The following ATP6V1H variants were observed in gnomAD, a reference collection of about 807,000 sequenced individuals.
The protein encoded by ATP6V1H is V-type proton ATPase subunit H.
In ATP6V1H, 39 loss-of-function variants were observed where a neutral mutation model predicts 71.7. The observed-to-expected ratio is 0.54, with a 90% CI of 0.42 to 0.71. The LOEUF is 0.71. Among genes scored for constraint, ATP6V1H ranks in the 30% least tolerant of loss-of-function variants. ATP6V1H has a pLI of 0.00. For missense variants in ATP6V1H, 509 were observed against 594.9 expected (o/e 0.86, Z 1.50); for synonymous variants, 192 against 199.3 (o/e 0.96, Z 0.31).
In ATP6V1H at chr8:53,775,366, G is replaced by A. The variant is rs565547023; in HGVS notation, c.871-3199C>T. On this transcript the variant is annotated intron_variant, in intron 9 of 13. Transcript: ENST00000359530. ...CCACAGTGTGGAAGGGGACCGGAGCGGGTTGCCAATGCTGGCTCGGGCAGC... is the reference window on the plus strand; with the variant it reads ...CCACAGTGTGGAAGGGGACCGGAGCAGGTTGCCAATGCTGGCTCGGGCAGC... Among the ~76,000 whole-genome samples the A allele has an allele frequency of 2.3e-3, 346 of 152,320 alleles. 2 individuals carry two copies. The highest frequency in any genetic ancestry group is 8.0e-3 in the African/African-American group (331 of 41,566).
In ATP6V1H at chr8:53,801,676, T is replaced by A; in HGVS notation, c.677+123A>T. The A allele has an allele frequency of 3.8e-6, 3 of 785,672 alleles. No individual in the cohort carries two copies. The African/African-American group carries it at 5.3e-5, about 14-fold the overall frequency. The allele number at this position is 785,672 out of a possible 1,614,324, so 48.7% of individuals were successfully genotyped here. A position where few individuals can be genotyped will look rare whatever the true frequency, so the allele number is the denominator to read the frequency against. On this transcript the variant is annotated intron_variant, in intron 8 of 13. Transcript: ENST00000359530. The stretch of plus-strand genomic sequence containing the variant: ...CTAACTTCTAAAAAGCTTAGCATAG[T>A]CAATTGTTAAACAGATATGAAAAAA...
intron 5 of ATP6V1H, among the ~76,000 whole-genome samples, chr8:53,816,160 T>C (rs566625068): frequency 6.6e-6 from 1 of 152,324 alleles, no homozygotes; most frequent in East Asian, 1.9e-4. Flanking sequence ...TTTCATAATG[T>C]CCACAACATA....
intron 13 of ATP6V1H, among the ~76,000 whole-genome samples, chr8:53,739,260 G>A (rs1219784899): frequency 6.6e-6 from 1 of 152,070 alleles, no homozygotes; most frequent in Non-Finnish European, 1.5e-5. Context: ...CTAAAAATTA[G>A]CTAAAACACA....
chr8:53,738,600 A>T (rs574433262), intron 13 of ATP6V1H, among the ~76,000 whole-genome samples: 2 of 152,312 alleles, frequency 1.3e-5, no homozygotes, highest in South Asian at 4.1e-4. Context: ...ATGTGCACCT[A>T]TGTGTGAAAC....
At chr8:53,770,420 C>T (rs1808613047) in intron 10 of ATP6V1H, among the ~76,000 whole-genome samples, 1 of 151,412 alleles carries the variant, frequency 6.6e-6, no homozygotes, top group South Asian at 2.1e-4. Flanking sequence ...AGTAGACAAA[C>T]ACAGTCAGAA....
intron 9 of ATP6V1H, among the ~76,000 whole-genome samples, chr8:53,793,854 G>A (rs1311146679): frequency 2.0e-5 from 3 of 152,140 alleles, no homozygotes; most frequent in Non-Finnish European, 4.4e-5. Flanking sequence ...CACGAGAAAC[G>A]CTTGAATCCA....
chr8:53,737,437 T>C (rs1471783527), intron 13 of ATP6V1H, among the ~76,000 whole-genome samples: 1 of 152,370 alleles, frequency 6.6e-6, no homozygotes, highest in African/African-American at 2.4e-5. Flanking sequence ...CTGAAATGTT[T>C]TCTCAGAATA....
At chr8:53,749,824 T>C (rs1237553843) in intron 12 of ATP6V1H, among the ~76,000 whole-genome samples, 1 of 152,094 alleles carries the variant, frequency 6.6e-6, no homozygotes, top group African/African-American at 2.4e-5. Flanking sequence ...ATGTTTTAAT[T>C]ATTAGAACAA....
At position 53,726,011 on chromosome 8, in the gene ATP6V1H, AAC is replaced by A. The variant is rs546412020; in HGVS notation, c.1392-9989_1392-9988del. 2.8e-3 allele frequency among the ~76,000 whole-genome samples: 421 copies of A among 152,354 alleles called. 1 individual carries two copies. The highest frequency in any genetic ancestry group is 3.4e-3 in the Non-Finnish European group (233 of 68,028). ...TAAAATAAATCAAAACTCTGTTTTA[AAC>A]ATTTTAGACCACAACTTATACTCAA... On this transcript the variant is annotated intron_variant, in intron 13 of 13. Coordinates refer to ENST00000359530, the MANE Select transcript of ATP6V1H (RefSeq NM_015941.4).
chr8:53,716,190 T>C lies in ATP6V1H; in HGVS notation c.1392-166A>G, dbSNP rs73682545. On this transcript the variant is annotated intron_variant, in intron 13 of 13. Transcript: ENST00000359530. ...TTCCAAATTTCCAAAGTACTTGTGC[T>C]GTATGAATTCTACTTCATGTATCAT... is the stretch of plus-strand genomic sequence containing the variant. Among the ~76,000 whole-genome samples, 375 of 152,362 alleles carry C rather than the reference T, an allele frequency of 2.5e-3. 1 individual carries two copies. The highest frequency in any genetic ancestry group is 8.5e-3 in the African/African-American group (355 of 41,580).
chr8:53,756,095 C>T (rs1450814335), intron 12 of ATP6V1H, among the ~76,000 whole-genome samples: 1 of 88,044 alleles, frequency 1.1e-5, no homozygotes, highest in Non-Finnish European at 2.2e-5. Context: ...TTTTGAGACA[C>T]AATCTTGCTC....
At chr8:53,763,204 A>G (rs1808339719) in intron 11 of ATP6V1H, among the ~76,000 whole-genome samples, 1 of 152,154 alleles carries the variant, frequency 6.6e-6, no homozygotes, top group Non-Finnish European at 1.5e-5. Context: ...TGCATTTTCA[A>G]GGGCCAACAG....
intron 12 of ATP6V1H, among the ~76,000 whole-genome samples, chr8:53,745,563 C>A (rs1244068456): frequency 6.6e-6 from 1 of 152,094 alleles, no homozygotes; most frequent in Non-Finnish European, 1.5e-5. Flanking sequence ...GCCAACAGCA[C>A]CATAGCTCCT....
chr8:53,740,687 G>C (rs1043526223), intron 13 of ATP6V1H, among the ~76,000 whole-genome samples: 1 of 152,122 alleles, frequency 6.6e-6, no homozygotes, highest in Non-Finnish European at 1.5e-5. Context: ...CCTATTTTAG[G>C]CAGGTAGAAA....
chr8:53,753,599 A>G (rs1807880360), intron 12 of ATP6V1H, among the ~76,000 whole-genome samples: 2 of 152,218 alleles, frequency 1.3e-5, no homozygotes, highest in Non-Finnish European at 2.9e-5. Context: ...CAGCGTTTTA[A>G]AACTATCATA....
intron 7 of ATP6V1H, among the ~76,000 whole-genome samples, chr8:53,803,405 T>G (rs1409230361): frequency 6.6e-6 from 1 of 151,950 alleles, no homozygotes; most frequent in Non-Finnish European, 1.5e-5. Flanking sequence ...GCCTTCAAAA[T>G]GAACATGCTA....
chr8:53,787,198 A>C (rs1321975409), intron 9 of ATP6V1H, among the ~76,000 whole-genome samples: 3 of 152,212 alleles, frequency 2.0e-5, no homozygotes, highest in Non-Finnish European at 4.4e-5. Context: ...CAAAATTTAA[A>C]AAGTCTCAGT....
intron 2 of ATP6V1H, among the ~76,000 whole-genome samples, chr8:53,835,982 C>T (rs954238350): frequency 1.3e-5 from 2 of 152,148 alleles, no homozygotes; most frequent in African/African-American, 4.8e-5. Context: ...CACTCCACAC[C>T]CTACAGGCGC....
At chr8:53,835,692 CTCATGCATTTATTTTTT>C (rs1394109906) in intron 2 of ATP6V1H, among the ~76,000 whole-genome samples, 1 of 152,078 alleles carries the variant, frequency 6.6e-6, no homozygotes, top group Non-Finnish European at 1.5e-5. Context: ...TTAAACTATT[CTCATGCATTTATTTTTT>C]TCAACAATTT....
Sources: gnomAD v4.1 joint callset for allele counts (sites outside exome capture counted in the v4.1 genomes callset) on GRCh38, gnomAD v4.1.1 for gene constraint, MANE v1.5 for transcripts, NCBI Gene and HGNC (gene_info 2026-07-23, HGNC 2026-07-21) for gene names.